NCALD: variants seen among roughly 807,000 people sequenced by gnomAD.
NCALD encodes neurocalcin delta.
NCALD carries 10 observed loss-of-function variants against 18.6 expected under a neutral mutation model. That is an observed-to-expected ratio of 0.54 (90% CI 0.33 to 0.91). The LOEUF is 0.91. NCALD is among the 40% of genes least tolerant of loss of function. The probability of loss-of-function intolerance (pLI) is 0.03; values close to 1 mark genes in which losing one functional copy is unlikely to be tolerated. For missense variants in NCALD, 184 were observed against 247.6 expected (o/e 0.74, Z 1.72); for synonymous variants, 88 against 87.4 (o/e 1.01, Z -0.04).
intron 2 of NCALD, among the ~76,000 whole-genome samples, chr8:101,697,913 T>A (rs1815077039): frequency 6.6e-6 from 1 of 152,110 alleles, no homozygotes; most frequent in East Asian, 1.9e-4. Context: ...CCACTCCTAT[T>A]CAACATAGTT....
At chr8:102,090,139 T>A (rs929516272) in intron 1 of NCALD, among the ~76,000 whole-genome samples, 2 of 151,626 alleles carry the variant, frequency 1.3e-5, no homozygotes, top group African/African-American at 4.9e-5. Context: ...AAATAGTGTT[T>A]GGCTTTCTTT....
intron 2 of NCALD, among the ~76,000 whole-genome samples, chr8:101,939,178 G>A (rs1818866101): frequency 6.6e-6 from 1 of 152,198 alleles, no homozygotes; most frequent in South Asian, 2.1e-4. Flanking sequence ...ATAGGAAATA[G>A]GAATTGCACT....
chr8:101,883,395 G>A (rs954489396), intron 4 of NCALD, among the ~76,000 whole-genome samples: 86 of 152,176 alleles, frequency 5.7e-4, no homozygotes, highest in African/African-American at 1.6e-3. Flanking sequence ...ATGCTCTTCC[G>A]CTCAGCTCCT....
At chr8:101,704,721 C>T (rs1815426013) in intron 2 of NCALD, among the ~76,000 whole-genome samples, 1 of 151,026 alleles carries the variant, frequency 6.6e-6, no homozygotes, top group African/African-American at 2.4e-5. Flanking sequence ...AGTTCAAGAC[C>T]AGCCTGGCCA....
In NCALD at chr8:101,689,159, G is replaced by A; in HGVS notation, c.*150C>T. On this transcript the variant is annotated 3_prime_UTR_variant, in exon 4 of 4. Coordinates refer to ENST00000220931, the MANE Select transcript of NCALD (RefSeq NM_032041.3). The surrounding 1 kb of genome is among the most constrained non-coding windows in gnomAD (Gnocchi z 4.4). ...CCACGAAGCATCCACGACAAAAGAA[G>A]CTGAAGGCGTCACGGAGGAAGGCGC... 2.7e-6 allele frequency: 2 copies of A among 750,372 alleles called. No individual in the cohort carries two copies. Among genetic ancestry groups the A allele is most frequent in the South Asian group, 2.9e-5 (2 of 68,452 alleles). 46.5% of individuals were successfully genotyped at this position (750,372 alleles called of 1,614,324 possible).
At chr8:101,744,570 T>A (rs1810349638) in intron 1 of NCALD, among the ~76,000 whole-genome samples, 1 of 152,190 alleles carries the variant, frequency 6.6e-6, no homozygotes, top group South Asian at 2.1e-4. Flanking sequence ...GATCTGAGTT[T>A]CAGGCTGTGC....
At chr8:101,731,380 T>C (rs575502405) in intron 1 of NCALD, among the ~76,000 whole-genome samples, 33 of 152,298 alleles carry the variant, frequency 2.2e-4, no homozygotes, top group Non-Finnish European at 4.0e-4. Context: ...TCCAATGACA[T>C]GAAGAACCTC....
intron 2 of NCALD, among the ~76,000 whole-genome samples, chr8:101,969,936 T>TGC (rs200680894): frequency 0.019 from 2,954 of 152,192 alleles, 32 homozygotes; most frequent in South Asian, 0.03. Context: ...TGTGTGTGTG[T>TGC]GCACACACAT....
intron 4 of NCALD, among the ~76,000 whole-genome samples, chr8:101,869,975 T>C (rs1445183708): frequency 6.6e-6 from 1 of 152,204 alleles, no homozygotes; most frequent in African/African-American, 2.4e-5. Flanking sequence ...CTGTCTCAAA[T>C]TTCTCAAATA....
intron 1 of NCALD, among the ~76,000 whole-genome samples, chr8:102,122,224 G>A (rs1182957933): frequency 1.3e-5 from 2 of 152,216 alleles, no homozygotes; most frequent in African/African-American, 4.8e-5. Flanking sequence ...GGAGATGATA[G>A]ATGCTGCGAC....
intron 4 of NCALD, among the ~76,000 whole-genome samples, chr8:101,858,493 GAT>G (rs1422404645): frequency 6.6e-6 from 1 of 152,134 alleles, no homozygotes; most frequent in African/African-American, 2.4e-5. Flanking sequence ...ATCCCAGCCT[GAT>G]ACTGGAGGTT....
chr8:101,960,332 G>A (rs537583439), intron 2 of NCALD, among the ~76,000 whole-genome samples: 31 of 152,172 alleles, frequency 2.0e-4, no homozygotes, highest in African/African-American at 5.3e-4. Context: ...AAGTTCCCTC[G>A]GTAGAGTAGG....
intron 1 of NCALD, among the ~76,000 whole-genome samples, chr8:102,101,153 T>C (rs1172102643): frequency 6.6e-6 from 1 of 152,216 alleles, no homozygotes; most frequent in African/African-American, 2.4e-5. Flanking sequence ...AGTCAGGATG[T>C]GTGACAGACA....
intron 1 of NCALD, among the ~76,000 whole-genome samples, chr8:102,085,419 A>T (rs1446726743): frequency 1.3e-5 from 2 of 152,204 alleles, no homozygotes; most frequent in Non-Finnish European, 2.9e-5. Flanking sequence ...AAGAGAGGGG[A>T]TCTTTTTTAA....
At chr8:101,965,546 T>A (rs952935764) in intron 2 of NCALD, among the ~76,000 whole-genome samples, 2 of 152,018 alleles carry the variant, frequency 1.3e-5, no homozygotes, top group African/African-American at 2.4e-5. Flanking sequence ...TTCTCACTCA[T>A]AAGTGGGAGT....
At chr8:101,826,425 G>T (rs1386886290) in intron 4 of NCALD, among the ~76,000 whole-genome samples, 2 of 152,216 alleles carry the variant, frequency 1.3e-5, no homozygotes, top group Admixed American at 6.5e-5. Context: ...TTAGAGGGTT[G>T]TGAGGTATCA....
At chr8:102,032,191 T>C (rs1175960527) in intron 1 of NCALD, among the ~76,000 whole-genome samples, 1 of 152,040 alleles carries the variant, frequency 6.6e-6, no homozygotes, top group African/African-American at 2.4e-5. Context: ...AAGTGGTGTA[T>C]AAGATGGGTC....
intron 3 of NCALD, among the ~76,000 whole-genome samples, chr8:101,910,782 C>G (rs1817768322): frequency 6.6e-6 from 1 of 152,006 alleles, no homozygotes; most frequent in Non-Finnish European, 1.5e-5. Context: ...CTGATAAAAC[C>G]ACTAGGCAAA....
chr8:101,929,397 TGGAG>T (rs1228416083), intron 2 of NCALD, among the ~76,000 whole-genome samples: 1 of 3,940 alleles, frequency 2.5e-4, no homozygotes. Flanking sequence ...GAGGGAGGCA[TGGAG>T]GGAGGGAGGG....
Sources: allele counts gnomAD v4.1 joint callset (sites outside exome capture counted in the v4.1 genomes callset), GRCh38; gene constraint gnomAD v4.1.1; non-coding constraint Gnocchi (gnomAD v3.1); transcripts MANE v1.5; gene names NCBI Gene and HGNC (gene_info 2026-07-23, HGNC 2026-07-21).